The following C8orf34 variants were observed in gnomAD, a reference collection of about 807,000 sequenced individuals.
The protein encoded by C8orf34 is uncharacterized protein C8orf34.
C8orf34 carries 65 observed loss-of-function variants against 68.3 expected under a neutral mutation model. That is an observed-to-expected ratio of 0.95 (90% CI 0.78 to 1.17). The LOEUF is 1.17. C8orf34 is among the 50% of genes most tolerant of loss of function. The pLI, the probability that C8orf34 is intolerant of heterozygous loss-of-function variation, is 0.00. For synonymous variants in C8orf34, 244 were observed against 241.2 expected, an observed-to-expected ratio of 1.01 and a Z score of -0.11; for missense variants, 664 against 655.4, an observed-to-expected ratio of 1.01 and a Z score of -0.14.
intron 7 of C8orf34, among the ~76,000 whole-genome samples, chr8:68,552,506 A>G (rs1453472376): frequency 1.3e-5 from 2 of 152,152 alleles, no homozygotes; most frequent in Non-Finnish European, 2.9e-5. Flanking sequence ...AGTGTGTAGA[A>G]CATAATTCAT....
chr8:68,773,602 G>A (rs1381377913), intron 10 of C8orf34, among the ~76,000 whole-genome samples: 28 of 151,946 alleles, frequency 1.8e-4, no homozygotes, highest in Non-Finnish European at 1.2e-4. Flanking sequence ...GTTTCACCAT[G>A]TTGGCCAGGC....
At chr8:68,794,501 ATATATTT>A (rs1563674014) in intron 12 of C8orf34, among the ~76,000 whole-genome samples, 1 of 81,918 alleles carries the variant, frequency 1.2e-5, no homozygotes, top group Non-Finnish European at 2.1e-5. Flanking sequence ...ATATATATAT[ATATATTT>A]TTTTTTTTTT....
At chr8:68,396,141 A>T (rs1808696310) in intron 1 of C8orf34, among the ~76,000 whole-genome samples, 1 of 152,008 alleles carries the variant, frequency 6.6e-6, no homozygotes, top group African/African-American at 2.4e-5. Flanking sequence ...CAACCCCTGC[A>T]CACTGTGACC....
intron 10 of C8orf34, among the ~76,000 whole-genome samples, chr8:68,739,417 A>G (rs981205351): frequency 6.6e-5 from 10 of 152,136 alleles, no homozygotes; most frequent in African/African-American, 2.4e-4. Flanking sequence ...ATCAATGTAC[A>G]AAAGTCAGTA....
intron 8 of C8orf34, among the ~76,000 whole-genome samples, chr8:68,707,960 G>C (rs972362022): frequency 3.3e-5 from 5 of 151,972 alleles, no homozygotes; most frequent in Admixed American, 3.3e-4. Flanking sequence ...ACAATAAAAA[G>C]GAAATAGTAG....
intron 5 of C8orf34, among the ~76,000 whole-genome samples, chr8:68,494,916 AT>A (rs1813463504): frequency 6.6e-6 from 1 of 150,952 alleles, no homozygotes; most frequent in Non-Finnish European, 1.5e-5. Context: ...AAATATATAT[AT>A]ATCTCAAAAA....
intron 5 of C8orf34, among the ~76,000 whole-genome samples, chr8:68,496,488 TA>T (rs983951542): frequency 2.6e-5 from 4 of 152,224 alleles, no homozygotes; most frequent in Admixed American, 6.5e-5. Context: ...CTTGCCTTTC[TA>T]AAAAGTTAGG....
intron 4 of C8orf34, among the ~76,000 whole-genome samples, chr8:68,479,827 G>A (rs1471270739): frequency 2.6e-5 from 4 of 152,210 alleles, no homozygotes; most frequent in Admixed American, 1.3e-4. Context: ...GAATGCGCTG[G>A]TTAATCAAGG....
intron 10 of C8orf34, among the ~76,000 whole-genome samples, chr8:68,761,860 G>A (rs1823033823): frequency 6.6e-6 from 1 of 152,070 alleles, no homozygotes; most frequent in Admixed American, 6.5e-5. Flanking sequence ...CAGTGTGGCT[G>A]TGTTTTTATA....
At chr8:68,644,815 G>A (rs949285802) in intron 8 of C8orf34, among the ~76,000 whole-genome samples, 1 of 152,178 alleles carries the variant, frequency 6.6e-6, no homozygotes, top group Non-Finnish European at 1.5e-5. Context: ...CAGTGCTGTA[G>A]ATCAGACCAA....
chr8:68,722,433 T>C (rs1821702597), intron 10 of C8orf34, among the ~76,000 whole-genome samples: 1 of 152,090 alleles, frequency 6.6e-6, no homozygotes. Flanking sequence ...TAACACTCTG[T>C]GACGAGATTA....
At chr8:68,630,000 C>T (rs1490368807) in intron 7 of C8orf34, among the ~76,000 whole-genome samples, 1 of 151,946 alleles carries the variant, frequency 6.6e-6, no homozygotes, top group South Asian at 2.1e-4. Context: ...GAATATTATT[C>T]TTAAATATTG....
chr8:68,507,777 A>C (rs1043252791), intron 5 of C8orf34, among the ~76,000 whole-genome samples: 1 of 152,192 alleles, frequency 6.6e-6, no homozygotes, highest in Non-Finnish European at 1.5e-5. Flanking sequence ...TGCTTTTGTC[A>C]ATCAAATTGT....
At position 68,569,458 on chromosome 8, in the gene C8orf34, C is replaced by A. The variant is rs534208545; in HGVS notation, c.1105+36309C>A. 7.9e-4 allele frequency among the ~76,000 whole-genome samples: 120 copies of A among 152,284 alleles called. 1 individual carries two copies. Among genetic ancestry groups the A allele is most frequent in the African/African-American group, 2.3e-3 (97 of 41,572 alleles). ...TTGTCGGCCCCTCCCCACCTCCAGG[C>A]CTCCACCTTCATTGATGCCCGGGAC... On this transcript the variant is annotated intron_variant, in intron 7 of 13. Coordinates refer to ENST00000518698, the MANE Select transcript of C8orf34 (RefSeq NM_052958.4).
chr8:68,536,789 TTTTTGGTCTTAGCC>T (rs1815495409), intron 7 of C8orf34, among the ~76,000 whole-genome samples: 2 of 152,134 alleles, frequency 1.3e-5, no homozygotes, highest in Admixed American at 1.3e-4. Context: ...TGTTTTATAC[TTTTTGGTCTTAGCC>T]TATAATTATA....
At chr8:68,513,545 G>A (rs1339964859) in intron 5 of C8orf34, among the ~76,000 whole-genome samples, 2 of 152,156 alleles carry the variant, frequency 1.3e-5, no homozygotes, top group African/African-American at 4.8e-5. Context: ...TGTGGGGCCT[G>A]GCCTAGTAAA....
At chr8:68,485,573 A>G (rs1332748314) in intron 4 of C8orf34, among the ~76,000 whole-genome samples, 3 of 151,778 alleles carry the variant, frequency 2.0e-5, no homozygotes, top group Admixed American at 2.0e-4. Context: ...TTAGCTGGGC[A>G]TGGTGGCGGG....
intron 7 of C8orf34, among the ~76,000 whole-genome samples, chr8:68,573,901 A>T (rs1816826059): frequency 6.6e-6 from 1 of 152,172 alleles, no homozygotes; most frequent in Admixed American, 6.6e-5. Flanking sequence ...GATGTTCCTT[A>T]AAAAATATCT....
chr8:68,391,681 A>C (rs1447247478), intron 1 of C8orf34, among the ~76,000 whole-genome samples: 3 of 152,216 alleles, frequency 2.0e-5, no homozygotes, highest in Non-Finnish European at 2.9e-5. Context: ...TCAGTAGCTT[A>C]AACCACAAGG....
Sources: gnomAD v4.1 joint callset for allele counts (sites outside exome capture counted in the v4.1 genomes callset) on GRCh38, gnomAD v4.1.1 for gene constraint, MANE v1.5 for transcripts, NCBI Gene and HGNC (gene_info 2026-07-23, HGNC 2026-07-21) for gene names.